GRID2: variants seen among roughly 807,000 people sequenced by gnomAD.
The protein encoded by GRID2 is glutamate ionotropic receptor delta type subunit 2, also known as glutamate receptor ionotropic, delta-2.
GRID2 carries 33 observed loss-of-function variants against 114.8 expected under a neutral mutation model. The observed-to-expected ratio is 0.29, with a 90% CI of 0.22 to 0.38. GRID2 has a LOEUF of 0.38. Among genes scored for constraint, GRID2 ranks in the 10% least tolerant of loss-of-function variants. GRID2 has a pLI of 1.00. For missense variants in GRID2, 1,184 were observed against 1,257.7 expected (o/e 0.94, Z 0.89); for synonymous variants, 505 against 449.9 (o/e 1.12, Z -1.55).
chr4:93,478,854 T>G (rs1337511295), intron 11 of GRID2, among the ~76,000 whole-genome samples: 1 of 152,046 alleles, frequency 6.6e-6, no homozygotes, highest in African/African-American at 2.4e-5. Context: ...TACAGGAAAT[T>G]TTCATTTCAA....
chr4:92,905,668 A>T (rs1162507710), intron 2 of GRID2, among the ~76,000 whole-genome samples: 1 of 147,960 alleles, frequency 6.8e-6, no homozygotes, highest in East Asian at 1.9e-4. Flanking sequence ...CAATTAATTT[A>T]AATTTAAATA....
At chr4:93,738,234 AGGTAAGATG>A (rs1731088480) in intron 14 of GRID2, among the ~76,000 whole-genome samples, 1 of 152,146 alleles carries the variant, frequency 6.6e-6, no homozygotes, top group African/African-American at 2.4e-5. Context: ...AGTAGGAAAG[AGGTAAGATG>A]GTACAAATTT....
intron 8 of GRID2, among the ~76,000 whole-genome samples, chr4:93,370,266 C>G (rs1762737055): frequency 6.6e-6 from 1 of 152,060 alleles, no homozygotes; most frequent in South Asian, 2.1e-4. Flanking sequence ...GAAAAGCAAC[C>G]TGGTTTTAAG....
chr4:92,996,862 C>A lies in GRID2; in HGVS notation c.245-88133C>A, dbSNP rs557268889. On this transcript the variant is annotated intron_variant, in intron 2 of 15. Transcript: ENST00000282020. ...ATGCATTATGCTTCTCCAGTTGACC[C>A]TTTCTGCTCCTGTCTCTCACACTCT... 1.2e-4 allele frequency among the ~76,000 whole-genome samples: 19 copies of A among 152,188 alleles called. No homozygotes were observed. The South Asian group carries it at 4.0e-3, about 32-fold the overall frequency.
At chr4:92,932,890 G>C (rs79155803) in intron 2 of GRID2, among the ~76,000 whole-genome samples, 3,644 of 151,294 alleles carry the variant, frequency 0.024, 76 homozygotes, top group East Asian at 0.053. Context: ...GCAAACTATT[G>C]TGATAATTGA....
At chr4:93,804,457 T>C (rs1734994113) in intron 1 of GRID2, among the ~76,000 whole-genome samples, 1 of 152,156 alleles carries the variant, frequency 6.6e-6, no homozygotes, top group Non-Finnish European at 1.5e-5. Context: ...CCGCAGGCAA[T>C]TGTAACACAA....
intron 14 of GRID2, among the ~76,000 whole-genome samples, chr4:93,761,053 C>T (rs1242284507): frequency 6.6e-6 from 1 of 152,164 alleles, no homozygotes; most frequent in Non-Finnish European, 1.5e-5. Context: ...ATTCAAAATT[C>T]ACTTGAAGGA....
intron 2 of GRID2, among the ~76,000 whole-genome samples, chr4:92,877,117 AC>A (rs1745688761): frequency 1.3e-5 from 2 of 152,224 alleles, no homozygotes; most frequent in African/African-American, 4.8e-5. Context: ...CTTCATGCTA[AC>A]TCTGGGACCT....
At chr4:93,359,688 C>T (rs1241760699) in intron 8 of GRID2, among the ~76,000 whole-genome samples, 1 of 147,594 alleles carries the variant, frequency 6.8e-6, no homozygotes, top group Non-Finnish European at 1.5e-5. Flanking sequence ...GCGCCTGGCT[C>T]ATTTCATTCA....
At chr4:93,292,829 C>A (rs1268740640) in intron 8 of GRID2, among the ~76,000 whole-genome samples, 1 of 152,128 alleles carries the variant, frequency 6.6e-6, no homozygotes, top group African/African-American at 2.4e-5. Context: ...TAATATAGGT[C>A]CCCTGAGCTA....
intron 1 of GRID2, among the ~76,000 whole-genome samples, chr4:92,415,740 G>GTA (rs70940888): frequency 0.079 from 6,330 of 80,436 alleles, 235 homozygotes; most frequent in Non-Finnish European, 0.092. Context: ...GTGTATGTGT[G>GTA]TATATATATA....
At chr4:93,677,455 T>A (rs917822107) in intron 14 of GRID2, among the ~76,000 whole-genome samples, 25 of 152,182 alleles carry the variant, frequency 1.6e-4, no homozygotes, top group Admixed American at 3.9e-4. Flanking sequence ...GCTGGAGATC[T>A]GAGAACGGGC....
chr4:92,347,488 T>C (rs2110175837), intron 1 of GRID2, among the ~76,000 whole-genome samples: 1 of 152,306 alleles, frequency 6.6e-6, no homozygotes, highest in East Asian at 1.9e-4. Flanking sequence ...TACAGAAAAG[T>C]GTAATGAATA....
At chr4:93,477,551 G>C (rs1430749323) in intron 11 of GRID2, among the ~76,000 whole-genome samples, 1 of 151,982 alleles carries the variant, frequency 6.6e-6, no homozygotes, top group East Asian at 1.9e-4. Flanking sequence ...TCTTAAAACA[G>C]ATAAAAGAAC....
chr4:92,942,790 G>T (rs1751266571), intron 2 of GRID2, among the ~76,000 whole-genome samples: 1 of 152,120 alleles, frequency 6.6e-6, no homozygotes, highest in African/African-American at 2.4e-5. Flanking sequence ...CTCAGCATTT[G>T]CTTGTCTGTA....
At chr4:93,684,765 A>G (rs548311750) in intron 14 of GRID2, among the ~76,000 whole-genome samples, 25 of 152,078 alleles carry the variant, frequency 1.6e-4, no homozygotes, top group Non-Finnish European at 3.2e-4. Flanking sequence ...GTATAGGGGG[A>G]GGGTTCTTGC....
chr4:93,422,825 C>CA lies in GRID2; in HGVS notation c.1403dup (p.Phe470LeufsTer4). The CA allele has an allele frequency of 1.2e-6, 2 of 1,613,410 alleles. No individual in the cohort carries two copies. The highest frequency in any genetic ancestry group is 1.7e-6 in the Non-Finnish European group (2 of 1,179,436). On this transcript the variant is annotated frameshift_variant, in exon 10 of 16. Transcript: ENST00000282020. LOFTEE classifies it high-confidence loss of function. ...TGTCTTGGGTAAGCCGAAGAAATAC[C>CA]AGGGCTTCTCCATTGATGTTTTGGA...
intron 3 of GRID2, among the ~76,000 whole-genome samples, chr4:93,101,652 T>C (rs1203361974): frequency 6.6e-6 from 1 of 152,040 alleles, no homozygotes; most frequent in Non-Finnish European, 1.5e-5. Flanking sequence ...TATAAACCAT[T>C]TTAGTAGAGA....
intron 1 of GRID2, among the ~76,000 whole-genome samples, chr4:92,352,178 T>C (rs901700597): frequency 7.9e-5 from 12 of 151,922 alleles, no homozygotes; most frequent in Admixed American, 2.0e-4. Context: ...CTTTTGATAA[T>C]AGCCATTCTA....
Sources: allele counts gnomAD v4.1 joint callset (sites outside exome capture counted in the v4.1 genomes callset), GRCh38; gene constraint gnomAD v4.1.1; transcripts MANE v1.5; gene names NCBI Gene and HGNC (gene_info 2026-07-23, HGNC 2026-07-21).